TRDN: variants seen among roughly 807,000 people sequenced by gnomAD.
TRDN encodes the protein triadin in skeletal muscle.
A neutral mutation model predicts 149.7 loss-of-function variants in TRDN; 161 were observed. That is an observed-to-expected ratio of 1.08 (90% CI 0.95 to 1.23). The LOEUF (loss-of-function observed/expected upper bound fraction) is 1.23, where lower values mean the gene tolerates loss of function less well. Among genes scored for constraint, TRDN ranks in the 50% most tolerant of loss-of-function variants. The probability of loss-of-function intolerance (pLI) is 0.00; values close to 1 mark genes in which losing one functional copy is unlikely to be tolerated. For synonymous variants in TRDN, 294 were observed against 250.5 expected (o/e 1.17, Z -1.64); for missense variants, 896 against 823.5 (o/e 1.09, Z -1.08).
intron 12 of TRDN, among the ~76,000 whole-genome samples, chr6:123,424,896 C>A (rs1774051728): frequency 6.6e-6 from 1 of 152,074 alleles, no homozygotes; most frequent in South Asian, 2.1e-4. Context: ...ATGAGTACAG[C>A]AGGTTTCCCA....
intron 9 of TRDN, among the ~76,000 whole-genome samples, chr6:123,477,215 A>T (rs1372703598): frequency 3.0e-5 from 4 of 131,238 alleles, no homozygotes; most frequent in Non-Finnish European, 6.5e-5. Context: ...ATTTACAAGA[A>T]AAAAACAAAC....
rs533379025 is a variant in TRDN at position 123,517,812 on chromosome 6, T to C, written c.485-1606A>G. 3.3e-5 allele frequency among the ~76,000 whole-genome samples: 5 copies of C among 152,308 alleles called. No homozygotes were observed. In the East Asian group the frequency reaches 9.6e-4, roughly 29 times the overall value. ...GCCTCCTTCTCTGTAACATTTTCTT[T>C]GATCTCTATTTATTCCATTCACCAA... On this transcript the variant is annotated intron_variant, in intron 5 of 40. Coordinates refer to ENST00000334268, the MANE Select transcript of TRDN (RefSeq NM_006073.4).
chr6:123,332,256 C>T (rs1779687241), intron 22 of TRDN, among the ~76,000 whole-genome samples: 1 of 151,808 alleles, frequency 6.6e-6, no homozygotes, highest in Admixed American at 6.6e-5. Context: ...ATGCAGAAGT[C>T]TTCCAAAACT....
At chr6:123,351,078 T>C (rs1326460528) in intron 21 of TRDN, 2 of 984,936 alleles carry the variant, frequency 2.0e-6, no homozygotes, top group African/African-American at 3.5e-5. Flanking sequence ...TTTGATATAC[T>C]GTGGCTATGA....
chr6:123,535,383 A>G (rs1780477729), intron 4 of TRDN, among the ~76,000 whole-genome samples: 1 of 152,146 alleles, frequency 6.6e-6, no homozygotes, highest in East Asian at 1.9e-4. Context: ...TACTTCTTTT[A>G]CTACTCCTGA....
chr6:123,358,434 C>T (rs2114326297), intron 20 of TRDN, among the ~76,000 whole-genome samples: 1 of 151,944 alleles, frequency 6.6e-6, no homozygotes, highest in South Asian at 2.1e-4. Flanking sequence ...CCCATGGGGG[C>T]TCTGATGTAT....
intron 10 of TRDN, among the ~76,000 whole-genome samples, chr6:123,439,279 T>C (rs965755260): frequency 6.6e-6 from 1 of 152,218 alleles, no homozygotes; most frequent in Admixed American, 6.5e-5. Flanking sequence ...ATGAATGTGA[T>C]AGTTTGAACT....
At chr6:123,612,530 C>G (rs1013538392) in intron 1 of TRDN, among the ~76,000 whole-genome samples, 1 of 151,854 alleles carries the variant, frequency 6.6e-6, no homozygotes, top group Non-Finnish European at 1.5e-5. Flanking sequence ...AGGAGAATCA[C>G]TTGTGTTAAA....
At chr6:123,595,796 A>T (rs1425838916) in intron 1 of TRDN, among the ~76,000 whole-genome samples, 1 of 152,122 alleles carries the variant, frequency 6.6e-6, no homozygotes, top group Non-Finnish European at 1.5e-5. Flanking sequence ...CCACCCATTC[A>T]AGAAGGTGAA....
intron 8 of TRDN, among the ~76,000 whole-genome samples, chr6:123,497,929 A>C (rs2153132): frequency 0.83 from 125,360 of 151,484 alleles, 52,000 homozygotes; most frequent in East Asian, 0.88. Flanking sequence ...AACAAACAAA[A>C]AAAACATAGT....
intron 5 of TRDN, among the ~76,000 whole-genome samples, chr6:123,523,203 G>T (rs1267742382): frequency 6.6e-6 from 1 of 152,026 alleles, no homozygotes; most frequent in East Asian, 1.9e-4. Context: ...TTTGCCAAGG[G>T]ACTACACAGG....
At position 123,274,676 on chromosome 6, in the gene TRDN, G is replaced by T. The variant is rs769126389; in HGVS notation, c.1568-6C>A. 1.2e-6 allele frequency: 2 copies of T among 1,606,168 alleles called. No homozygotes were observed. Among genetic ancestry groups the T allele is most frequent in the South Asian group, 1.1e-5 (1 of 89,660 alleles). On this transcript the variant is annotated splice_region_variant and splice_polypyrimidine_tract_variant and intron_variant, in intron 26 of 40. Coordinates refer to ENST00000334268, the MANE Select transcript of TRDN (RefSeq NM_006073.4). ...TTCTTTTTTAATTTGGGGCTCTGAG[G>T]GAGAGAAAAGGCAGAAAATTTAAAA...
intron 31 of TRDN, among the ~76,000 whole-genome samples, chr6:123,268,197 A>G (rs1388498257): frequency 6.6e-6 from 1 of 151,966 alleles, no homozygotes; most frequent in Admixed American, 6.6e-5. Flanking sequence ...GCACTGCTGA[A>G]CACTAGTTTC....
intron 5 of TRDN, chr6:123,529,150 C>A: frequency 6.5e-7 from 1 of 1,535,334 alleles, no homozygotes; most frequent in Non-Finnish European, 8.8e-7. Context: ...AAATTAATAG[C>A]ACAGTCTGCA....
chr6:123,518,129 T>A (rs568048393), intron 5 of TRDN, among the ~76,000 whole-genome samples: 10 of 152,282 alleles, frequency 6.6e-5, no homozygotes, highest in African/African-American at 2.4e-4. Context: ...TGTGAAACTT[T>A]TGACAATTTA....
intron 1 of TRDN, among the ~76,000 whole-genome samples, chr6:123,574,601 G>A (rs954554049): frequency 4.6e-5 from 7 of 151,782 alleles, no homozygotes; most frequent in Admixed American, 3.9e-4. Context: ...TTGATATGTT[G>A]TAATCTGCAG....
At chr6:123,284,802 GA>G (rs1777741774) in intron 24 of TRDN, among the ~76,000 whole-genome samples, 1 of 152,018 alleles carries the variant, frequency 6.6e-6, no homozygotes, top group Admixed American at 6.6e-5. Flanking sequence ...ACTGATAAAT[GA>G]ATTCAGCAAA....
rs374225164 is a variant in TRDN at position 123,406,770 on chromosome 6, T to C, written c.1052-13093A>G. ...CAAATTTATAGAAAATCCTATATTG[T>C]TTTACTTAAGAAGAGAAAGTATTAT... On this transcript the variant is annotated intron_variant, in intron 12 of 40. Coordinates refer to ENST00000334268, the MANE Select transcript of TRDN (RefSeq NM_006073.4). Among the ~76,000 whole-genome samples, 77 of 152,254 alleles carry C rather than the reference T, an allele frequency of 5.1e-4. 1 individual carries two copies. The South Asian group carries it at 0.015, about 30-fold the overall frequency.
intron 9 of TRDN, among the ~76,000 whole-genome samples, chr6:123,487,791 C>T (rs1353878911): frequency 6.6e-6 from 1 of 152,068 alleles, no homozygotes; most frequent in Non-Finnish European, 1.5e-5. Flanking sequence ...CTCCTTCATT[C>T]ACATACAAAC....
Sources: gnomAD v4.1 joint callset for allele counts (sites outside exome capture counted in the v4.1 genomes callset) on GRCh38, gnomAD v4.1.1 for gene constraint, MANE v1.5 for transcripts, NCBI Gene and HGNC (gene_info 2026-07-23, HGNC 2026-07-21) for gene names.